The following PKHD1 variants were observed in gnomAD, a reference collection of about 807,000 sequenced individuals.
The protein encoded by PKHD1 is fibrocystin.
A neutral mutation model predicts 412.0 loss-of-function variants in PKHD1; 291 were observed. The ratio of observed to expected loss-of-function variants is 0.71; its 90% CI spans 0.64 to 0.78. The LOEUF (loss-of-function observed/expected upper bound fraction) is 0.78, where lower values mean the gene tolerates loss of function less well. Among genes scored for constraint, PKHD1 ranks in the 30% least tolerant of loss-of-function variants. The pLI, the probability that PKHD1 is intolerant of heterozygous loss-of-function variation, is 0.00. For missense variants in PKHD1, 4,825 were observed against 4,950.7 expected, an observed-to-expected ratio of 0.97 and a Z score of 0.76; for synonymous variants, 1,777 against 1,821.5, an observed-to-expected ratio of 0.98 and a Z score of 0.62.
chr6:51,937,131 C>T (rs1237631816), intron 36 of PKHD1, among the ~76,000 whole-genome samples: 2 of 152,268 alleles, frequency 1.3e-5, no homozygotes, highest in Non-Finnish European at 2.9e-5. Flanking sequence ...CCAGACACTC[C>T]CTTCTGTTGA....
Position 51,699,920 on chromosome 6 carries a change from A to AGTGTGTGTGTGTGTGT in PKHD1, c.10157-39967_10157-39952dup, listed in dbSNP as rs148337538. On this transcript the variant is annotated intron_variant, in intron 60 of 66. Transcript: ENST00000371117. Reference sequence around the variant, plus strand: ...TTTGGCCTCTGGAATATATATATGGAGTGTGTGTGTGTGTGTGTGTGTGTG... The same window carrying AGTGTGTGTGTGTGTGT: ...TTTGGCCTCTGGAATATATATATGGAGTGTGTGTGTGTGTGTGTGTGTGTGTGTGTGTGTGTGTGTG... Among the ~76,000 whole-genome samples, 149 of 137,898 alleles carry AGTGTGTGTGTGTGTGT rather than the reference A, an allele frequency of 1.1e-3. 1 individual carries two copies. The highest frequency in any genetic ancestry group is 1.6e-3 in the African/African-American group (61 of 38,086). The allele number at this position is 137,898 out of a possible 152,430, so 90.5% of individuals were successfully genotyped here. A position where few individuals can be genotyped will look rare whatever the true frequency, so the allele number is the denominator to read the frequency against.
chr6:51,830,794 T>C, intron 52 of PKHD1, 67 bp downstream of exon 52: 1 of 1,439,956 alleles, frequency 6.9e-7, no homozygotes, highest in Non-Finnish European at 9.8e-7. Flanking sequence ...ACAATATAAA[T>C]GAAACATAAT....
Position 51,870,655 on chromosome 6 carries a change from A to C in PKHD1, c.7351-16T>G. On this transcript the variant is annotated splice_polypyrimidine_tract_variant and intron_variant, in intron 46 of 66. Coordinates refer to ENST00000371117, the MANE Select transcript of PKHD1 (RefSeq NM_138694.4). ...ACAGACTTCCCTGTGATTTAAAAGAAAAAAAGATGAAAGCAAAATAAGAAA... is the reference window on the plus strand; with the variant it reads ...ACAGACTTCCCTGTGATTTAAAAGACAAAAAGATGAAAGCAAAATAAGAAA... 6.3e-7 allele frequency: 1 copy of C among 1,598,160 alleles called. No homozygotes were observed. Among genetic ancestry groups the C allele is most frequent in the Non-Finnish European group, 8.6e-7 (1 of 1,166,302 alleles).
chr6:51,910,616 T>G (rs1316257300), intron 39 of PKHD1, among the ~76,000 whole-genome samples: 1 of 152,264 alleles, frequency 6.6e-6, no homozygotes, highest in East Asian at 1.9e-4. Flanking sequence ...AACAGATTTA[T>G]AATGGCTTAA....
intron 43 of PKHD1, among the ~76,000 whole-genome samples, chr6:51,896,888 C>T (rs549040609): frequency 5.1e-4 from 78 of 152,136 alleles, no homozygotes; most frequent in African/African-American, 1.7e-3. Flanking sequence ...AGGAGCCATG[C>T]GATCAACTGG....
intron 11 of PKHD1, among the ~76,000 whole-genome samples, chr6:52,068,263 G>A (rs779055950): frequency 2.4e-4 from 36 of 152,182 alleles, no homozygotes; most frequent in Non-Finnish European, 4.4e-4. Flanking sequence ...GCTCTTCATG[G>A]CTGTCTACAC....
chr6:51,761,897 T>G (rs1788077280), intron 55 of PKHD1, among the ~76,000 whole-genome samples: 1 of 152,046 alleles, frequency 6.6e-6, no homozygotes, highest in South Asian at 2.1e-4. Context: ...TGTTTTCCCC[T>G]TCTCAGTAAA....
rs547559056 is a variant in PKHD1 at position 51,764,616 on chromosome 6, T to C, written c.8642+8086A>G. On this transcript the variant is annotated intron_variant, in intron 55 of 66. Coordinates refer to ENST00000371117, the MANE Select transcript of PKHD1 (RefSeq NM_138694.4). ...GCTGCTATAAAGACACATGCACACG[T>C]ATGTTTATTGCGGCATTATTCACAA... Among the ~76,000 whole-genome samples the C allele has an allele frequency of 6.6e-5, 10 of 151,674 alleles. No homozygotes were observed. The East Asian group carries it at 2.0e-3, about 30-fold the overall frequency.
At chr6:51,736,991 G>C (rs889544678) in intron 60 of PKHD1, among the ~76,000 whole-genome samples, 1 of 152,066 alleles carries the variant, frequency 6.6e-6, no homozygotes, top group Non-Finnish European at 1.5e-5. Context: ...TCACTCAGTG[G>C]GCTGACAGTC....
chr6:52,002,294 T>A (rs912186501), intron 35 of PKHD1, among the ~76,000 whole-genome samples: 2 of 152,218 alleles, frequency 1.3e-5, no homozygotes, highest in African/African-American at 4.8e-5. Flanking sequence ...AAGTGAGTTG[T>A]TAAACAGTTG....
intron 35 of PKHD1, among the ~76,000 whole-genome samples, chr6:51,963,833 G>T (rs1792423927): frequency 6.6e-6 from 1 of 152,094 alleles, no homozygotes; most frequent in South Asian, 2.1e-4. Context: ...CGTGTCAACA[G>T]CCCAGCTTAC....
At chr6:51,797,174 A>G (rs781633399) in intron 52 of PKHD1, among the ~76,000 whole-genome samples, 2 of 152,038 alleles carry the variant, frequency 1.3e-5, no homozygotes, top group Non-Finnish European at 2.9e-5. Flanking sequence ...AGAGACTGTT[A>G]TTATTTCAGT....
intron 43 of PKHD1, among the ~76,000 whole-genome samples, chr6:51,901,145 T>C (rs1781207908): frequency 1.3e-5 from 2 of 152,208 alleles, no homozygotes; most frequent in Admixed American, 6.5e-5. Flanking sequence ...AAATACCATT[T>C]GACCCAGCCA....
chr6:51,621,414 AT>A (rs1766602248), intron 66 of PKHD1, among the ~76,000 whole-genome samples: 1 of 152,236 alleles, frequency 6.6e-6, no homozygotes, highest in African/African-American at 2.4e-5. Flanking sequence ...TTGAATTTTA[AT>A]CCCTTGGTAA....
chr6:51,985,019 A>C (rs530438771), intron 35 of PKHD1, among the ~76,000 whole-genome samples: 1 of 125,806 alleles, frequency 7.9e-6, no homozygotes, highest in Non-Finnish European at 1.7e-5. Context: ...TTTTCCATAG[A>C]AAAAAAAAAC....
rs936268395 is a variant in PKHD1 at position 51,667,128 on chromosome 6, C to G, written c.10157-7159G>C. On this transcript the variant is annotated intron_variant, in intron 60 of 66. Coordinates refer to ENST00000371117, the MANE Select transcript of PKHD1 (RefSeq NM_138694.4). ...CCCTGAGGAATCGCCACACTGACTT[C>G]CACAATGGTTGAACTAGTTTACAGT... Among the ~76,000 whole-genome samples the G allele has an allele frequency of 4.8e-4, 70 of 147,248 alleles. 2 individuals are homozygous for G. The South Asian group carries it at 0.016, about 33-fold the overall frequency.
intron 46 of PKHD1, among the ~76,000 whole-genome samples, chr6:51,881,398 T>G (rs2127535261): frequency 6.6e-6 from 1 of 152,308 alleles, no homozygotes; most frequent in East Asian, 1.9e-4. Context: ...CAATACAATT[T>G]TATTATCTCT....
intron 64 of PKHD1, among the ~76,000 whole-genome samples, chr6:51,633,134 A>G (rs894088227): frequency 2.0e-5 from 3 of 152,196 alleles, no homozygotes; most frequent in Non-Finnish European, 4.4e-5. Flanking sequence ...CATATAACAC[A>G]TCAAAACAGG....
At chr6:52,035,854 G>T (rs1036828743) in intron 27 of PKHD1, 133 bp from the exon 28 acceptor site, 9 of 884,104 alleles carry the variant, frequency 1.0e-5, no homozygotes, top group African/African-American at 8.3e-5. Context: ...TGCTCAAACT[G>T]CAGGAAAAAA....
Sources: gnomAD v4.1 joint callset for allele counts (sites outside exome capture counted in the v4.1 genomes callset) on GRCh38, gnomAD v4.1.1 for gene constraint, MANE v1.5 for transcripts, NCBI Gene and HGNC (gene_info 2026-07-23, HGNC 2026-07-21) for gene names.